GPC6: variants seen among roughly 807,000 people sequenced by gnomAD.
The protein encoded by GPC6 is glypican-6.
Under a neutral mutation model 55.2 loss-of-function variants are expected in GPC6, and 14 were observed. The ratio of observed to expected loss-of-function variants is 0.25; its 90% confidence interval spans 0.17 to 0.40. The LOEUF is 0.40. GPC6 is among the 10% of genes least tolerant of loss of function. The probability of loss-of-function intolerance (pLI) is 1.00; values close to 1 mark genes in which losing one functional copy is unlikely to be tolerated. For missense variants in GPC6, 641 were observed against 708.5 expected, an observed-to-expected ratio of 0.90 and a Z score of 1.08; for synonymous variants, 278 against 259.6, an observed-to-expected ratio of 1.07 and a Z score of -0.68.
At chr13:93,485,219 A>G (rs1406124245) in intron 1 of GPC6, among the ~76,000 whole-genome samples, 1 of 152,204 alleles carries the variant, frequency 6.6e-6, no homozygotes, top group African/African-American at 2.4e-5. Flanking sequence ...AGGACATTCT[A>G]GCACAAAGGG....
rs549764326 is a variant in GPC6, at chr13:93,414,473, G to A, written c.161-130790G>A. 4.6e-5 allele frequency among the ~76,000 whole-genome samples: 7 copies of A among 152,266 alleles called. No homozygotes were observed. The South Asian group carries it at 1.4e-3, about 32-fold the overall frequency. ...CACAAATTCAGCAATACGATCGTCT[G>A]TTTCTTGGAACTCTGAGGATGAGGA... On this transcript the variant is annotated intron_variant, in intron 1 of 8. Transcript: ENST00000377047.
rs59612615 is a variant in GPC6, at chr13:93,955,145, G to A, written c.712-72584G>A. On this transcript the variant is annotated intron_variant, in intron 3 of 8. Coordinates refer to ENST00000377047, the MANE Select transcript of GPC6 (RefSeq NM_005708.5). ...TTTTATCCCTGCCCTTCCTTTTATC[G>A]TATTTTTTGTTACTTCACCACCACA... Among the ~76,000 whole-genome samples the A allele has an allele frequency of 6.9e-3, 1,044 of 151,518 alleles. 13 individuals are homozygous for A. Among genetic ancestry groups the A allele is most frequent in the African/African-American group, 0.024 (1,000 of 41,330 alleles).
intron 2 of GPC6, among the ~76,000 whole-genome samples, chr13:93,577,853 A>G (rs758990828): frequency 7.2e-5 from 11 of 152,008 alleles, no homozygotes; most frequent in Admixed American, 1.3e-4. Flanking sequence ...GGGTTTGTCA[A>G]CAGGCCTTTA....
intron 6 of GPC6, among the ~76,000 whole-genome samples, chr13:94,361,849 T>C (rs530208395): frequency 3.9e-5 from 6 of 152,400 alleles, no homozygotes; most frequent in Non-Finnish European, 7.3e-5. Context: ...ATGTTTTTAA[T>C]ATTGGCACAG....
At chr13:93,218,189 C>T in the GPC6 span, among the ~76,000 whole-genome samples, 1 of 149,306 alleles carries the variant, frequency 6.7e-6, no homozygotes, top group Non-Finnish European at 1.5e-5. Context: ...TTAATTATTT[C>T]CCCCTGAAAT....
chr13:94,249,947 C>T (rs976592820), intron 4 of GPC6, among the ~76,000 whole-genome samples: 1 of 152,086 alleles, frequency 6.6e-6, no homozygotes, highest in Non-Finnish European at 1.5e-5. Context: ...GCCATGCGGA[C>T]AGGAAATGTC....
At chr13:93,368,067 C>A (rs1881311100) in intron 1 of GPC6, among the ~76,000 whole-genome samples, 1 of 151,916 alleles carries the variant, frequency 6.6e-6, no homozygotes, top group South Asian at 2.1e-4. Context: ...TTTATTTTCC[C>A]ATTCTATTGT....
intron 2 of GPC6, among the ~76,000 whole-genome samples, chr13:93,556,373 A>AGTGT (rs56706276): frequency 0.096 from 12,876 of 133,966 alleles, 647 homozygotes; most frequent in African/African-American, 0.12. Flanking sequence ...GTGGGTAAAT[A>AGTGT]GTGTGTGTGT....
At chr13:93,690,006 G>C (rs894201196) in intron 2 of GPC6, among the ~76,000 whole-genome samples, 1 of 152,058 alleles carries the variant, frequency 6.6e-6, no homozygotes, top group Non-Finnish European at 1.5e-5. Context: ...TAGATACTCA[G>C]GATGGGAAAA....
chr13:93,226,492 C>T (rs748739041), upstream of GPC6: 3 of 152,168 alleles, frequency 2.0e-5, no homozygotes, highest in Non-Finnish European at 4.4e-5. Context: ...TGACTATTTC[C>T]ACTCTGGCTT....
intron 4 of GPC6, among the ~76,000 whole-genome samples, chr13:94,141,131 G>A (rs1427776140): frequency 1.3e-5 from 2 of 152,064 alleles, no homozygotes; most frequent in African/African-American, 2.4e-5. Flanking sequence ...TTACAGTTTG[G>A]TTTTATGCAT....
intron 3 of GPC6, among the ~76,000 whole-genome samples, chr13:93,886,641 T>G (rs1453667300): frequency 5.3e-5 from 8 of 152,054 alleles, no homozygotes. Context: ...TGTCCTTCAT[T>G]GCATAATGTC....
intron 2 of GPC6, among the ~76,000 whole-genome samples, chr13:93,692,811 A>T (rs1166458420): frequency 6.6e-6 from 1 of 152,028 alleles, no homozygotes; most frequent in Non-Finnish European, 1.5e-5. Flanking sequence ...AATCAGTAAC[A>T]CATAAAATTT....
At position 93,881,464 on chromosome 13, in the gene GPC6, A is replaced by G. The variant is rs116865226; in HGVS notation, c.711+50919A>G. On this transcript the variant is annotated intron_variant, in intron 3 of 8. Coordinates refer to ENST00000377047, the MANE Select transcript of GPC6 (RefSeq NM_005708.5). ...TTTCCACATTTAAATGGCATAATAT[A>G]ATTTAGGGCCAATGTAGGCCTAAAA... is the stretch of plus-strand genomic sequence containing the variant. Among the ~76,000 whole-genome samples the G allele has an allele frequency of 1.0e-3, 159 of 152,174 alleles. 2 individuals are homozygous for G. The East Asian group carries it at 0.026, about 25-fold the overall frequency.
At chr13:93,514,991 C>A (rs1881130743) in intron 1 of GPC6, among the ~76,000 whole-genome samples, 1 of 152,122 alleles carries the variant, frequency 6.6e-6, no homozygotes, top group Non-Finnish European at 1.5e-5. Flanking sequence ...AGTGTGATGG[C>A]ATTTAGAGAG....
At chr13:94,099,085 T>A (rs1445149732) in intron 4 of GPC6, among the ~76,000 whole-genome samples, 1 of 152,122 alleles carries the variant, frequency 6.6e-6, no homozygotes, top group Non-Finnish European at 1.5e-5. Context: ...TCACAGAGAC[T>A]CTTTCTTATG....
At chr13:93,529,734 C>T (rs143455124) in intron 1 of GPC6, among the ~76,000 whole-genome samples, 13 of 152,030 alleles carry the variant, frequency 8.6e-5, no homozygotes, top group Admixed American at 1.3e-4. Context: ...CCAGGCTGGT[C>T]TCAAACTCCT....
Position 93,486,459 on chromosome 13 carries a change from C to G in GPC6, c.161-58804C>G, listed in dbSNP as rs1355097991. The stretch of plus-strand genomic sequence containing the variant: ...ATACATGAAGAATTTATTTTCTAAC[C>G]AATGAAGTCACAAAAACTCTGGATT... On this transcript the variant is annotated intron_variant, in intron 1 of 8. Transcript: ENST00000377047. Among the ~76,000 whole-genome samples the G allele has an allele frequency of 2.0e-5, 3 of 152,072 alleles. No individual in the cohort carries two copies. In the South Asian group the frequency reaches 6.2e-4, roughly 32 times the overall value.
intron 3 of GPC6, among the ~76,000 whole-genome samples, chr13:93,910,893 C>T (rs994853670): frequency 2.0e-5 from 3 of 152,164 alleles, no homozygotes; most frequent in South Asian, 2.1e-4. Context: ...CCCCATAGTA[C>T]TGTAGATCAC....
Sources: gnomAD v4.1 joint callset for allele counts (sites outside exome capture counted in the v4.1 genomes callset) on GRCh38, gnomAD v4.1.1 for gene constraint, MANE v1.5 for transcripts, NCBI Gene and HGNC (gene_info 2026-07-23, HGNC 2026-07-21) for gene names.